Variants in PAOX observed in about 807,000 individuals in gnomAD.
PAOX encodes the protein peroxisomal N(1)-acetyl-spermine/spermidine oxidase.
A neutral mutation model predicts 39.0 loss-of-function variants in PAOX; 38 were observed. The observed-to-expected ratio is 0.97, with a 90% CI of 0.75 to 1.28. The LOEUF (loss-of-function observed/expected upper bound fraction) is 1.28, where lower values mean the gene tolerates loss of function less well. PAOX is among the 50% of genes most tolerant of loss of function. The pLI, the probability that PAOX is intolerant of heterozygous loss-of-function variation, is 0.00. For missense variants in PAOX, 667 were observed against 685.7 expected, an observed-to-expected ratio of 0.97 and a Z score of 0.30; for synonymous variants, 311 against 314.4, an observed-to-expected ratio of 0.99 and a Z score of 0.11.
chr10:133,391,062 G>A (rs1849665036), intron 6 of PAOX: 2 of 697,528 alleles, frequency 2.9e-6, no homozygotes, highest in African/African-American at 1.8e-5. Flanking sequence ...GTTGGTGGAT[G>A]CGTGTGAGCC....
intron 3 of PAOX, among the ~76,000 whole-genome samples, chr10:133,382,171 G>A (rs977561134): frequency 3.9e-5 from 6 of 152,214 alleles, no homozygotes; most frequent in African/African-American, 1.4e-4. Flanking sequence ...CGGGTTTCAC[G>A]CTGCCGTGGG....
intron 1 of PAOX, 108 bp downstream of exon 1, chr10:133,379,605 C>A: frequency 1.1e-6 from 1 of 924,932 alleles, no homozygotes; most frequent in Non-Finnish European, 1.4e-6. Flanking sequence ...CCTCACCGGG[C>A]TCCCCGAGGG....
chr10:133,387,670 C>T lies in PAOX; in HGVS notation c.1122-1286C>T, dbSNP rs370974492. ...TGCTAGGTGAGTCCTCCACGGCCAC[C>T]GTGCACCACGCGCAGCAGGAGTGTT... is the stretch of plus-strand genomic sequence containing the variant. On this transcript the variant is annotated intron_variant, in intron 4 of 6. Transcript: ENST00000278060. 5.9e-5 allele frequency among the ~76,000 whole-genome samples: 9 copies of T among 152,246 alleles called. No individual in the cohort carries two copies. In the East Asian group the frequency reaches 9.6e-4, roughly 16 times the overall value.
rs1467721050 is a variant in PAOX at position 133,381,469 on chromosome 10, A to G, written c.678A>G (p.Gln226=). Residue 226 remains glutamine (Q), a synonymous_variant, in exon 3 of 7, where the codon CAA becomes CAG. Coordinates refer to ENST00000278060, the MANE Select transcript of PAOX (RefSeq NM_152911.4). ...ACTTCCGTCTTTCTAGGGGCTATCA[A>G]GGACTCACAAACTGCATGATGGCCG... The part of the protein sequence containing the change: ...GLDCTFSKGY[Q]GLTNCMMAAL... The G allele has an allele frequency of 6.2e-7, 1 of 1,613,762 alleles. No individual in the cohort carries two copies. The highest frequency in any genetic ancestry group is 1.1e-5 in the South Asian group (1 of 91,086).
intron 2 of PAOX, 70 bp downstream of exon 2, chr10:133,380,555 T>A: frequency 6.7e-7 from 1 of 1,492,808 alleles, no homozygotes; most frequent in Non-Finnish European, 8.9e-7. Flanking sequence ...CTGGCTGAGC[T>A]CCGCTCTTGC....
intron 1 of PAOX, 120 bp downstream of exon 1, chr10:133,379,617 A>G (rs1223947924): frequency 3.6e-6 from 3 of 835,018 alleles, no homozygotes; most frequent in Non-Finnish European, 4.8e-6. Flanking sequence ...CCCCGAGGGA[A>G]TCCCCGCTCG....
rs3747879 is a variant in PAOX, at chr10:133,384,176, G to A, written c.1085G>A (p.Arg362Gln). 6,093 of 1,614,086 alleles carry A rather than the reference G, an allele frequency of 3.8e-3. 189 individuals are homozygous for A. In the East Asian group the frequency reaches 0.079, roughly 21 times the overall value. Residue 362 changes from arginine (R) to glutamine (Q), a missense_variant, in exon 4 of 7, where the codon CGG (arginine) becomes CAG (glutamine). Transcript: ENST00000278060. This position sits in a 1 kb window ranked among gnomAD's most constrained non-coding sequence, Gnocchi z 4.3. ...CCTGAGCTACAGGACGCCTGGTTCCGGAAGCTCATTGGCTTTGTGGTCCTG... is the reference window on the plus strand; with the variant it reads ...CCTGAGCTACAGGACGCCTGGTTCCAGAAGCTCATTGGCTTTGTGGTCCTG... ...AAPELQDAWF[R>Q]KLIGFVVLPA...
intron 1 of PAOX, 187 bp from the exon 2 acceptor site, chr10:133,379,812 C>G: frequency 1.4e-6 from 1 of 724,756 alleles, no homozygotes; most frequent in Non-Finnish European, 2.1e-6. Context: ...CGACAAGTGC[C>G]CTCCTGCCCA....
Position 133,380,149 on chromosome 10 carries a change from C to T in PAOX, c.332C>T (p.Pro111Leu), listed in dbSNP as rs1350871221. The T allele has an allele frequency of 3.1e-6, 5 of 1,601,400 alleles. No homozygotes were observed. In the Admixed American group the frequency reaches 5.1e-5, roughly 16 times the overall value. The change falls in exon 2 of 7, where the codon CCC (proline) becomes CTC (leucine). Residue 111 changes from proline to leucine, a missense_variant. Transcript: ENST00000278060. ...GAGACCGGGGGTCACGTGGGCCTGC[C>T]CTCCGTGAGCTACGCCAGCTCCGGG... Reference protein sequence around the residue: ...LVETGGHVGLPSVSYASSGAS... With the variant: ...LVETGGHVGLLSVSYASSGAS...
intron 2 of PAOX, 138 bp from the exon 3 acceptor site, chr10:133,381,322 C>A: frequency 1.4e-6 from 1 of 715,438 alleles, no homozygotes. Context: ...GTGGAGCTGA[C>A]CTCCTTGCTG....
intron 2 of PAOX, 46 bp from the exon 3 acceptor site, chr10:133,381,414 T>G: frequency 6.3e-7 from 1 of 1,581,004 alleles, no homozygotes. Flanking sequence ...AGTCCTGCCC[T>G]TCCAGGGACT....
chr10:133,389,721 C>A lies in PAOX; in HGVS notation c.1366C>A (p.Leu456Ile), dbSNP rs1438858214. 6.4e-7 allele frequency: 1 copy of A among 1,569,310 alleles called. No homozygotes were observed. Among genetic ancestry groups the A allele is most frequent in the Non-Finnish European group, 8.7e-7 (1 of 1,155,020 alleles). The change falls in exon 6 of 7, where the codon CTC becomes ATC. Residue 456 changes from leucine to isoleucine, a missense_variant. Physicochemically the swap from Leu to Ile is conservative, Grantham distance 5. Transcript: ENST00000278060. ...CGACCTGGACCTGCTGGCTCAGCCC[C>A]TCCCTGCAGACGGCGCCGGCGCCCA... ...GGDLDLLAQP[L>I]PADGAGAQLQ...
chr10:133,387,084 G>C (rs924392411), intron 4 of PAOX, among the ~76,000 whole-genome samples: 5 of 152,144 alleles, frequency 3.3e-5, no homozygotes, highest in Admixed American at 2.6e-4. Flanking sequence ...TTCGAGACCA[G>C]CCTGGGCAAC....
Position 133,379,338 on chromosome 10 carries a change from G to A in PAOX, c.22G>A (p.Gly8Arg), listed in dbSNP as rs1589888743. Residue 8 changes from glycine to arginine, a missense_variant, in exon 1 of 7, where the codon GGG (glycine) becomes AGG (arginine). Gly to Arg is a moderately radical substitution (Grantham distance 125). Coordinates refer to ENST00000278060, the MANE Select transcript of PAOX (RefSeq NM_152911.4). MESTGSV[G>R]EAPGGPRVLV... ...CGCGATGGAGTCGACCGGCAGCGTC[G>A]GGGAGGCCCCGGGCGGACCCCGGGT... 2 of 1,218,048 alleles carry A rather than the reference G, an allele frequency of 1.6e-6. No homozygotes were observed. Among genetic ancestry groups the A allele is most frequent in the Admixed American group, 8.6e-5 (2 of 23,140 alleles). The allele number at this position is 1,218,048 out of a possible 1,614,324, so 75.5% of individuals were successfully genotyped here.
At chr10:133,389,517 T>A in intron 5 of PAOX, 73 bp from the exon 6 acceptor site, 2 of 1,598,034 alleles carry the variant, frequency 1.3e-6, no homozygotes, top group Non-Finnish European at 1.7e-6. Context: ...GCTCAATCTT[T>A]AAAAATGACA....
chr10:133,381,649 C>T lies in PAOX; in HGVS notation c.858C>T (p.Thr286=), dbSNP rs368481584. The T allele has an allele frequency of 1.2e-5, 20 of 1,612,996 alleles. No individual in the cohort carries two copies. Among genetic ancestry groups the T allele is most frequent in the South Asian group, 2.2e-5 (2 of 91,084 alleles). Residue 286 remains threonine, a synonymous_variant, in exon 3 of 7, where the codon ACC becomes ACT. Coordinates refer to ENST00000278060, the MANE Select transcript of PAOX (RefSeq NM_152911.4). The stretch of plus-strand genomic sequence containing the variant: ...TCCCGGCGCACCATGTCATCGTCAC[C>T]GTGCCCTTAGGTAGGTCAGGTTTTC... ...DRFPAHHVIV[T]VPLGFLREHL...
At chr10:133,383,732 G>T (rs956525172) in intron 3 of PAOX, among the ~76,000 whole-genome samples, 1 of 152,216 alleles carries the variant, frequency 6.6e-6, no homozygotes, top group African/African-American at 2.4e-5. Flanking sequence ...CTGAGCCAGG[G>T]AGGTCAAGGC....
intron 6 of PAOX, among the ~76,000 whole-genome samples, chr10:133,390,144 G>A (rs1849636018): frequency 6.6e-6 from 1 of 152,062 alleles, no homozygotes; most frequent in African/African-American, 2.4e-5. Flanking sequence ...ACCTTTCAGT[G>A]CCCACCAGGC....
Position 133,391,520 on chromosome 10 carries a change from A to G in PAOX, c.*65A>G. 1 of 1,531,972 alleles carries G rather than the reference A, an allele frequency of 6.5e-7. No homozygotes were observed. Among genetic ancestry groups the G allele is most frequent in the Non-Finnish European group, 8.8e-7 (1 of 1,142,660 alleles). The allele number at this position is 1,531,972 out of a possible 1,614,324, so 94.9% of individuals were successfully genotyped here. ...GGCTGGGACCCTCATTTCTTCTGAC[A>G]GATTTCAGTCTGGCTTGAAATTTGG... On this transcript the variant is annotated 3_prime_UTR_variant, in exon 7 of 7. Coordinates refer to ENST00000278060, the MANE Select transcript of PAOX (RefSeq NM_152911.4).
Sources: gnomAD v4.1 joint callset for allele counts (sites outside exome capture counted in the v4.1 genomes callset) on GRCh38, gnomAD v4.1.1 for gene constraint, Gnocchi (gnomAD v3.1) non-coding constraint, MANE v1.5 for transcripts, NCBI Gene and HGNC (gene_info 2026-07-23, HGNC 2026-07-21) for gene names.